MAGI2: variants seen among roughly 807,000 people sequenced by gnomAD.
MAGI2 encodes the protein membrane-associated guanylate kinase, WW and PDZ domain-containing protein 2.
A neutral mutation model predicts 133.3 loss-of-function variants in MAGI2; 35 were observed. That is an observed-to-expected ratio of 0.26 (90% confidence interval 0.20 to 0.35). MAGI2 has a LOEUF of 0.35. MAGI2 is among the 10% of genes least tolerant of loss of function. The pLI is 1.00. For missense variants in MAGI2, 1,636 were observed against 1,863.4 expected (o/e 0.88, Z 2.25); for synonymous variants, 729 against 710.6 (o/e 1.03, Z -0.41).
At chr7:79,011,924 C>CCTTCCTTTCTTTCTTTCTTTCTTT (rs1413880167) in intron 1 of MAGI2, among the ~76,000 whole-genome samples, 89 of 121,280 alleles carry the variant, frequency 7.3e-4, no homozygotes, top group East Asian at 2.9e-3. Context: ...TTCCTTCCTT[C>CCTTCCTTTCTTTCTTTCTTTCTTT]CTTTCTTTCT....
chr7:78,396,289 G>A (rs1377927334), intron 6 of MAGI2, among the ~76,000 whole-genome samples: 2 of 152,096 alleles, frequency 1.3e-5, no homozygotes, highest in African/African-American at 2.4e-5. Flanking sequence ...ATTCCACACA[G>A]AGACTACAGG....
At chr7:78,394,823 C>T (rs1796197836) in intron 6 of MAGI2, among the ~76,000 whole-genome samples, 1 of 152,108 alleles carries the variant, frequency 6.6e-6, no homozygotes, top group Non-Finnish European at 1.5e-5. Flanking sequence ...ACTCTAAGTA[C>T]ATCCTCGATA....
chr7:79,383,430 T>A (rs1457419927), intron 1 of MAGI2, among the ~76,000 whole-genome samples: 2 of 151,636 alleles, frequency 1.3e-5, no homozygotes, highest in Non-Finnish European at 3.0e-5. Flanking sequence ...AATACAGGTA[T>A]AAAATGGGAT....
chr7:79,005,440 T>G (rs184847498), intron 2 of MAGI2, among the ~76,000 whole-genome samples: 20 of 152,320 alleles, frequency 1.3e-4, no homozygotes, highest in Non-Finnish European at 2.4e-4. Flanking sequence ...TATATTTACT[T>G]TTCCTTCGTA....
At chr7:78,325,286 A>G (rs1016780218) in intron 9 of MAGI2, among the ~76,000 whole-genome samples, 1 of 152,192 alleles carries the variant, frequency 6.6e-6, no homozygotes, top group Non-Finnish European at 1.5e-5. Context: ...AAATATAGCT[A>G]TGAAACTGAG....
At chr7:78,312,407 G>A (rs186328758) in intron 9 of MAGI2, among the ~76,000 whole-genome samples, 1 of 151,916 alleles carries the variant, frequency 6.6e-6, no homozygotes, top group East Asian at 1.9e-4. Context: ...ACCGCAAAAA[G>A]TATCATAAAA....
rs1242148618 is a variant in MAGI2, at chr7:78,076,852, C to CAA, written c.3706+2093_3706+2094dup. 5.6e-3 allele frequency among the ~76,000 whole-genome samples: 238 copies of CAA among 42,510 alleles called. 18 individuals are homozygous for CAA. Among genetic ancestry groups the CAA allele is most frequent in the South Asian group, 0.013 (11 of 878 alleles). The allele number at this position is 42,510 out of a possible 152,430, so 27.9% of individuals were successfully genotyped here. ...TGGGCGACAGAGCGAGACTCCGTCT[C>CAA]AAAAAAAAAAAAAAAAAAAAAAAAA... On this transcript the variant is annotated intron_variant, in intron 21 of 21. Transcript: ENST00000354212.
intron 2 of MAGI2, among the ~76,000 whole-genome samples, chr7:78,682,971 T>C (rs947458174): frequency 1.3e-5 from 2 of 152,234 alleles, no homozygotes; most frequent in Non-Finnish European, 2.9e-5. Context: ...TGTGGCTCTG[T>C]ATAAGAACAA....
intron 3 of MAGI2, among the ~76,000 whole-genome samples, chr7:78,589,581 G>A (rs1014259578): frequency 2.0e-5 from 3 of 152,168 alleles, no homozygotes; most frequent in Non-Finnish European, 2.9e-5. Context: ...CTAATTCCGT[G>A]AGTGAGAGGT....
intron 21 of MAGI2, among the ~76,000 whole-genome samples, chr7:78,051,037 TG>T (rs2151108390): frequency 6.6e-6 from 1 of 152,364 alleles, no homozygotes; most frequent in Non-Finnish European, 1.5e-5. Flanking sequence ...AGCATTGACC[TG>T]TTTTGATTCT....
chr7:78,056,640 G>A (rs555880989), intron 21 of MAGI2, among the ~76,000 whole-genome samples: 2 of 152,164 alleles, frequency 1.3e-5, no homozygotes, highest in South Asian at 4.2e-4. Flanking sequence ...CAAATTGAGG[G>A]GGGAACAACA....
chr7:78,706,287 G>A (rs1818635705), intron 2 of MAGI2, among the ~76,000 whole-genome samples: 2 of 151,930 alleles, frequency 1.3e-5, no homozygotes, highest in African/African-American at 2.4e-5. Context: ...CATGAGATCC[G>A]AAAAGTTTAT....
chr7:78,548,591 A>G (rs900134973), intron 3 of MAGI2, among the ~76,000 whole-genome samples: 1 of 152,198 alleles, frequency 6.6e-6, no homozygotes, highest in Non-Finnish European at 1.5e-5. Context: ...GCTACTTGGG[A>G]GGCTGAGGCA....
chr7:78,974,079 C>A (rs921566540), intron 2 of MAGI2, among the ~76,000 whole-genome samples: 1 of 151,750 alleles, frequency 6.6e-6, no homozygotes, highest in Non-Finnish European at 1.5e-5. Flanking sequence ...TAGATTAGCA[C>A]CTACCTCTTT....
chr7:78,932,200 G>A (rs951606773), intron 2 of MAGI2, among the ~76,000 whole-genome samples: 1 of 152,076 alleles, frequency 6.6e-6, no homozygotes, highest in Non-Finnish European at 1.5e-5. Flanking sequence ...TGCCTCACAT[G>A]TGGCCAAGAC....
At chr7:78,198,510 C>A (rs1828942246) in intron 11 of MAGI2, among the ~76,000 whole-genome samples, 1 of 142,982 alleles carries the variant, frequency 7.0e-6, no homozygotes, top group Admixed American at 7.2e-5. Flanking sequence ...TGGCTTACTG[C>A]AACCTCCGCC....
chr7:79,010,684 T>C (rs1807991821), intron 1 of MAGI2, among the ~76,000 whole-genome samples: 4 of 152,184 alleles, frequency 2.6e-5, no homozygotes, highest in Admixed American at 2.6e-4. Context: ...TCTCGTTGCA[T>C]GCTTTAGCCA....
chr7:79,103,164 T>C (rs1270240020), intron 1 of MAGI2, among the ~76,000 whole-genome samples: 1 of 152,196 alleles, frequency 6.6e-6, no homozygotes, highest in African/African-American at 2.4e-5. Context: ...CAGAAAAAGA[T>C]TTACTTTTTA....
At chr7:78,262,892 C>T (rs923894037) in intron 9 of MAGI2, among the ~76,000 whole-genome samples, 4 of 152,098 alleles carry the variant, frequency 2.6e-5, no homozygotes, top group African/African-American at 9.7e-5. Flanking sequence ...CTGCTCAAGG[C>T]TGAGGTTTGG....
Sources: allele counts gnomAD v4.1 joint callset (sites outside exome capture counted in the v4.1 genomes callset), GRCh38; gene constraint gnomAD v4.1.1; transcripts MANE v1.5; gene names NCBI Gene and HGNC (gene_info 2026-07-23, HGNC 2026-07-21).